PTPRO: variants seen among roughly 807,000 people sequenced by gnomAD.
PTPRO encodes receptor-type tyrosine-protein phosphatase O.
A neutral mutation model predicts 145.2 loss-of-function variants in PTPRO; 62 were observed. The ratio of observed to expected loss-of-function variants is 0.43; its 90% CI spans 0.35 to 0.53. PTPRO has a LOEUF of 0.53. Among genes scored for constraint, PTPRO ranks in the 20% least tolerant of loss-of-function variants. The pLI is 0.01. For missense variants in PTPRO, 1,345 were observed against 1,482.7 expected, an observed-to-expected ratio of 0.91 and a Z score of 1.53; for synonymous variants, 565 against 514.7, an observed-to-expected ratio of 1.10 and a Z score of -1.32.
intron 1 of PTPRO, among the ~76,000 whole-genome samples, chr12:15,413,449 A>G (rs143376480): frequency 1.3e-5 from 2 of 152,326 alleles, no homozygotes; most frequent in African/African-American, 4.8e-5. Flanking sequence ...GAATGATTAT[A>G]TGCTTTAAAT....
intron 12 of PTPRO, chr12:15,546,347 A>G: frequency 7.2e-7 from 1 of 1,386,068 alleles, no homozygotes; most frequent in Non-Finnish European, 9.3e-7. Flanking sequence ...GTGTTCTGAA[A>G]AGAGAAGTAA....
At chr12:15,449,785 G>A (rs1188718656) in intron 1 of PTPRO, among the ~76,000 whole-genome samples, 2 of 152,076 alleles carry the variant, frequency 1.3e-5, no homozygotes, top group Non-Finnish European at 1.5e-5. Context: ...TTACAGTAGG[G>A]CAAATTGAGT....
intron 1 of PTPRO, among the ~76,000 whole-genome samples, chr12:15,331,263 G>C (rs2136200212): frequency 6.6e-6 from 1 of 152,214 alleles, no homozygotes; most frequent in South Asian, 2.1e-4. Context: ...TATAAGCTAA[G>C]GTCTGGAAAA....
Position 15,570,055 on chromosome 12 carries a change from G to GA in PTPRO, c.2829+564dup, listed in dbSNP as rs200656748. Among the ~76,000 whole-genome samples, 359 of 152,178 alleles carry GA rather than the reference G, an allele frequency of 2.4e-3. 1 individual carries two copies. Among genetic ancestry groups the GA allele is most frequent in the African/African-American group, 7.6e-3 (316 of 41,530 alleles). ...TAAAGTTACACATGATTTGTGTTAA[G>GA]AAAAAAATTGACAACATCTCTTTTT... is the stretch of plus-strand genomic sequence containing the variant. On this transcript the variant is annotated intron_variant, in intron 19 of 26. Transcript: ENST00000281171.
chr12:15,539,033 A>C (rs1354538733), intron 12 of PTPRO, among the ~76,000 whole-genome samples: 2 of 152,144 alleles, frequency 1.3e-5, no homozygotes, highest in African/African-American at 4.8e-5. Flanking sequence ...ATCTTATTCT[A>C]AGAATTTTGC....
At chr12:15,411,114 A>C (rs1229514518) in intron 1 of PTPRO, among the ~76,000 whole-genome samples, 1 of 152,252 alleles carries the variant, frequency 6.6e-6, no homozygotes, top group Non-Finnish European at 1.5e-5. Context: ...GTCAGTCAGT[A>C]AGTTTTAAAA....
rs557418846 is a variant in PTPRO at position 15,481,107 on chromosome 12, C to A, written c.76-2867C>A. ...CCATGTATAGGCAGCACATTAAATA[C>A]CTTTTCTGTTCTTTTTCTGTTTTCT... On this transcript the variant is annotated intron_variant, in intron 1 of 26. Coordinates refer to ENST00000281171, the MANE Select transcript of PTPRO (RefSeq NM_030667.3). 1.5e-3 allele frequency among the ~76,000 whole-genome samples: 236 copies of A among 152,278 alleles called. 3 individuals are homozygous for A. The Middle Eastern group carries it at 0.02, about 13-fold the overall frequency.
chr12:15,559,550 G>A (rs1344205496), intron 16 of PTPRO, among the ~76,000 whole-genome samples: 2 of 152,174 alleles, frequency 1.3e-5, no homozygotes, highest in East Asian at 1.9e-4. Flanking sequence ...CTGAATATCA[G>A]TGAGGTCACA....
chr12:15,581,835 T>C (rs1944326077), intron 23 of PTPRO, 34 bp downstream of exon 23: 1 of 1,612,708 alleles, frequency 6.2e-7, no homozygotes, highest in Admixed American at 1.7e-5. Flanking sequence ...GTGCTGTCCC[T>C]ATGCTGACAC....
chr12:15,589,541 G>T lies in PTPRO; in HGVS notation c.3497G>T (p.Gly1166Val). ...IRDHEFVDIL[G>V]LVSEMRSYRM... is the part of the protein sequence containing the mutation. ...GATCATGAGTTTGTTGACATCTTAG[G>T]GCTGGTGTCAGAAATGAGGTCATAC... The change falls in exon 25 of 27, where the codon GGG becomes GTG. Residue 1166 changes from glycine (G) to valine (V), a missense_variant. By Grantham distance (109) the Gly-to-Val change is moderately radical. This residue lies in a region of PTPRO where 208 missense variants were observed against 242.8 expected (regional missense o/e 0.86). Coordinates refer to ENST00000281171, the MANE Select transcript of PTPRO (RefSeq NM_030667.3). The T allele has an allele frequency of 6.2e-7, 1 of 1,614,076 alleles. No homozygotes were observed. The highest frequency in any genetic ancestry group is 8.5e-7 in the Non-Finnish European group (1 of 1,179,988).
chr12:15,399,359 G>A (rs1022775810), intron 1 of PTPRO, among the ~76,000 whole-genome samples: 1 of 152,174 alleles, frequency 6.6e-6, no homozygotes, highest in African/African-American at 2.4e-5. Context: ...AAGAAAGTGA[G>A]GCACAGAAAA....
At chr12:15,472,884 T>A (rs1475351974) in intron 1 of PTPRO, among the ~76,000 whole-genome samples, 1 of 152,156 alleles carries the variant, frequency 6.6e-6, no homozygotes, top group Non-Finnish European at 1.5e-5. Flanking sequence ...TCTGCATTCA[T>A]ACATACTGAA....
intron 1 of PTPRO, among the ~76,000 whole-genome samples, chr12:15,412,764 A>T (rs1401926233): frequency 6.6e-6 from 1 of 152,126 alleles, no homozygotes; most frequent in Non-Finnish European, 1.5e-5. Flanking sequence ...CAGTGTATAG[A>T]GGCTTTTTGT....
rs74062796 is a variant in PTPRO, at chr12:15,598,181, G to C, written c.*2108G>C. Among the ~76,000 whole-genome samples, 4,071 of 152,280 alleles carry C rather than the reference G, an allele frequency of 0.027. 169 individuals carry two copies. The highest frequency in any genetic ancestry group is 0.091 in the African/African-American group (3,762 of 41,542). The stretch of plus-strand genomic sequence containing the variant: ...GGCTTAGAGTCAAAACTACAGGAAG[G>C]TCACACTGTTCTCTGGAACACTGTT... On this transcript the variant is annotated 3_prime_UTR_variant, in exon 27 of 27. Coordinates refer to ENST00000281171, the MANE Select transcript of PTPRO (RefSeq NM_030667.3).
At chr12:15,595,244 T>C (rs1944635953) in intron 26 of PTPRO, 187 bp downstream of exon 26, 3 of 577,228 alleles carry the variant, frequency 5.2e-6, no homozygotes, top group Non-Finnish European at 9.5e-6. Flanking sequence ...GATCTTTGAG[T>C]TTCAATGCAC....
At chr12:15,357,167 C>G (rs1938022070) in intron 1 of PTPRO, among the ~76,000 whole-genome samples, 1 of 152,242 alleles carries the variant, frequency 6.6e-6, no homozygotes, top group African/African-American at 2.4e-5. Flanking sequence ...CTGAAATACA[C>G]TAATAATAGA....
intron 1 of PTPRO, among the ~76,000 whole-genome samples, chr12:15,448,351 A>AAAAAAAAAAAAAAAAAAAAAAAAC (rs1259812638): frequency 6.8e-6 from 1 of 147,784 alleles, no homozygotes; most frequent in Non-Finnish European, 1.5e-5. Context: ...AAAAAAAAAA[A>AAAAAAAAAAAAAAAAAAAAAAAAC]AAAAAAAAAG....
At chr12:15,384,700 T>G (rs1938967216) in intron 1 of PTPRO, among the ~76,000 whole-genome samples, 1 of 152,168 alleles carries the variant, frequency 6.6e-6, no homozygotes, top group Non-Finnish European at 1.5e-5. Context: ...GGAACACAAT[T>G]TAGTCCACAG....
rs914085646 is a variant in PTPRO, at chr12:15,453,163, G to A, written c.76-30811G>A. 1.5e-4 allele frequency among the ~76,000 whole-genome samples: 23 copies of A among 152,028 alleles called. 1 individual carries two copies. Among genetic ancestry groups the A allele is most frequent in the African/African-American group, 5.3e-4 (22 of 41,474 alleles). On this transcript the variant is annotated intron_variant, in intron 1 of 26. Transcript: ENST00000281171. Reference sequence around the variant, plus strand: ...AGAAAATCTGGACCGGCTAATTTTTGTATTTGTAGTAGAGATGGCATTTCA... The same window carrying A: ...AGAAAATCTGGACCGGCTAATTTTTATATTTGTAGTAGAGATGGCATTTCA...
Sources: allele counts gnomAD v4.1 joint callset (sites outside exome capture counted in the v4.1 genomes callset), GRCh38; gene constraint gnomAD v4.1.1; regional missense constraint gnomAD v4.1.1; transcripts MANE v1.5; gene names NCBI Gene and HGNC (gene_info 2026-07-23, HGNC 2026-07-21).